The following SARDH variants were observed in gnomAD, a reference collection of about 807,000 sequenced individuals.
The protein encoded by SARDH is sarcosine dehydrogenase, mitochondrial.
Under a neutral mutation model 109.1 loss-of-function variants are expected in SARDH, and 95 were observed. That is an observed-to-expected ratio of 0.87 (90% CI 0.74 to 1.03). The LOEUF is 1.03. Ranked by LOEUF, SARDH falls within the 50% of genes least tolerant of loss-of-function variation. The pLI is 0.00. For missense variants in SARDH, 1,267 were observed against 1,287.8 expected (o/e 0.98, Z 0.25); for synonymous variants, 572 against 534.8 (o/e 1.07, Z -0.96).
intron 16 of SARDH, among the ~76,000 whole-genome samples, chr9:133,688,225 G>A (rs1396366719): frequency 6.6e-6 from 1 of 152,122 alleles, no homozygotes; most frequent in Non-Finnish European, 1.5e-5. Flanking sequence ...GCTGCCTGTG[G>A]GCCAGGCTGG....
chr9:133,730,337 G>T (rs1832633724), intron 4 of SARDH, 150 bp from the exon 5 acceptor site: 2 of 1,024,936 alleles, frequency 2.0e-6, no homozygotes, highest in Non-Finnish European at 1.4e-6. Context: ...AGGGAAACCG[G>T]ATGACCACAG....
At chr9:133,731,709 A>T (rs569358123) in intron 3 of SARDH, among the ~76,000 whole-genome samples, 64 of 152,190 alleles carry the variant, frequency 4.2e-4, no homozygotes, top group African/African-American at 1.5e-3. Context: ...TGCCAATCCG[A>T]CCCTCGCCAG....
intron 7 of SARDH, among the ~76,000 whole-genome samples, chr9:133,717,836 G>C (rs1832185436): frequency 6.6e-6 from 1 of 152,140 alleles, no homozygotes; most frequent in Non-Finnish European, 1.5e-5. Context: ...TTTGGGAAGA[G>C]CAAGCTTGTG....
Position 133,666,870 on chromosome 9 carries a change from G to T in SARDH, c.2496C>A (p.Asp832Glu), listed in dbSNP as rs781459242. Residue 832 changes from aspartate (D) to glutamate (E), a missense_variant and splice_region_variant, in exon 20 of 21, where the codon GAC becomes GAA. Coordinates refer to ENST00000439388, the MANE Select transcript of SARDH (RefSeq NM_001134707.2). The surrounding 1 kb of genome is among the most constrained non-coding windows in gnomAD (Gnocchi z 5.2). ...CCTCCAGGCCAAACATGGGTACTTTGCTGGAAGAAGCAGTAGAGAAAGCTG... is the reference window on the plus strand; with the variant it reads ...CCTCCAGGCCAAACATGGGTACTTTTCTGGAAGAAGCAGTAGAGAAAGCTG... ...RRRLVCFTME[D>E]KVPMFGLEAI... 6.2e-7 allele frequency: 1 copy of T among 1,612,504 alleles called. No homozygotes were observed.
rs199762648 is a variant in SARDH at position 133,732,541 on chromosome 9, C to T, written c.392G>A (p.Arg131Gln). The change falls in exon 3 of 21, where the codon CGG (arginine) becomes CAG (glutamine). Residue 131 changes from arginine to glutamine, a missense_variant. Arg to Gln is a conservative substitution (Grantham distance 43, BLOSUM62 1). Transcript: ENST00000439388. ...CTCCTCCAGCTCCCGGCTCACCACCCGCCGAGTGTGGGCCAGAAGCTCCAC... is the reference window on the plus strand; with the variant it reads ...CTCCTCCAGCTCCCGGCTCACCACCTGCCGAGTGTGGGCCAGAAGCTCCAC... ...VEVELLAHTR[R>Q]VVSRELEEET... 281 of 1,613,762 alleles carry T rather than the reference C, an allele frequency of 1.7e-4. No individual in the cohort carries two copies. The highest frequency in any genetic ancestry group is 5.5e-5 in the Non-Finnish European group (65 of 1,179,904).
At chr9:133,723,167 A>G (rs1832383477) in intron 6 of SARDH, among the ~76,000 whole-genome samples, 1 of 152,238 alleles carries the variant, frequency 6.6e-6, no homozygotes, top group Non-Finnish European at 1.5e-5. Context: ...TCTCACGTTC[A>G]TGAAATGAAA....
chr9:133,729,723 G>A, intron 6 of SARDH, 42 bp downstream of exon 6: 1 of 1,557,090 alleles, frequency 6.4e-7, no homozygotes. Flanking sequence ...AGGTCTCTGT[G>A]CCCCCCACAG....
chr9:133,724,070 A>G (rs28799017), intron 6 of SARDH, among the ~76,000 whole-genome samples: 5,711 of 152,286 alleles, frequency 0.038, 370 homozygotes, highest in African/African-American at 0.13. Context: ...AAGAGCACAA[A>G]TGACAAAAGA....
chr9:133,679,681 A>G (rs901005734), intron 17 of SARDH, among the ~76,000 whole-genome samples: 1 of 152,218 alleles, frequency 6.6e-6, no homozygotes, highest in African/African-American at 2.4e-5. Flanking sequence ...TGAGCGGACA[A>G]TAACTTCTCC....
intron 16 of SARDH, among the ~76,000 whole-genome samples, chr9:133,688,743 G>C (rs1313829462): frequency 1.3e-5 from 2 of 152,230 alleles, no homozygotes; most frequent in African/African-American, 4.8e-5. Flanking sequence ...TACCACTGCT[G>C]GGAGCAGTTC....
chr9:133,694,489 CCA>C, intron 14 of SARDH, 118 bp from the exon 15 acceptor site: 1 of 843,284 alleles, frequency 1.2e-6, no homozygotes, highest in Admixed American at 2.3e-5. Context: ...TGGATAACCC[CCA>C]GACAGGATGC....
At chr9:133,727,634 A>T (rs1013333833) in intron 6 of SARDH, among the ~76,000 whole-genome samples, 1 of 151,736 alleles carries the variant, frequency 6.6e-6, no homozygotes, top group Non-Finnish European at 1.5e-5. Flanking sequence ...TCAGAGGAAC[A>T]TGAGGGGCTT....
intron 4 of SARDH, among the ~76,000 whole-genome samples, chr9:133,730,493 G>A (rs1374348307): frequency 1.4e-5 from 2 of 141,728 alleles, no homozygotes; most frequent in Non-Finnish European, 3.0e-5. Flanking sequence ...CAAGATATTT[G>A]ATTAACAGAA....
chr9:133,676,637 G>C (rs2131347030), intron 17 of SARDH, among the ~76,000 whole-genome samples: 2 of 152,338 alleles, frequency 1.3e-5, no homozygotes, highest in South Asian at 2.1e-4. Context: ...GGAATGTGAG[G>C]GAATGGCCCT....
chr9:133,698,009 T>TAAAAAAAAAAAAAAA (rs371381068), intron 13 of SARDH, among the ~76,000 whole-genome samples: 95 of 95,494 alleles, frequency 9.9e-4, no homozygotes, highest in East Asian at 2.2e-3. Context: ...AGGAATCCAC[T>TAAAAAAAAAAAAAAA]AAAAAAAAAA....
At chr9:133,736,631 G>A (rs548410884) in intron 1 of SARDH, among the ~76,000 whole-genome samples, 44 of 152,256 alleles carry the variant, frequency 2.9e-4, no homozygotes, top group African/African-American at 1.0e-3. Context: ...CCTGACCTCA[G>A]GTGATCCGCC....
intron 15 of SARDH, among the ~76,000 whole-genome samples, chr9:133,691,749 C>T (rs990950923): frequency 7.2e-5 from 11 of 152,166 alleles, no homozygotes; most frequent in African/African-American, 1.4e-4. Flanking sequence ...ATTCAACACG[C>T]GCATATTTAA....
chr9:133,688,759 G>A (rs1830978514), intron 16 of SARDH, among the ~76,000 whole-genome samples: 1 of 152,234 alleles, frequency 6.6e-6, no homozygotes, highest in East Asian at 1.9e-4. Flanking sequence ...AGTTCCCCCA[G>A]AACACCAAGG....
chr9:133,698,022 G>GA (rs1400522371), intron 13 of SARDH, among the ~76,000 whole-genome samples: 21 of 129,748 alleles, frequency 1.6e-4, no homozygotes, highest in African/African-American at 5.8e-4. Context: ...AAAAAAAAAA[G>GA]AAAAAAAAGA....
Sources: gnomAD v4.1 joint callset for allele counts (sites outside exome capture counted in the v4.1 genomes callset) on GRCh38, gnomAD v4.1.1 for gene constraint, Gnocchi (gnomAD v3.1) non-coding constraint, MANE v1.5 for transcripts, NCBI Gene and HGNC (gene_info 2026-07-23, HGNC 2026-07-21) for gene names.